The following DACH1 variants were observed in gnomAD, a reference collection of about 807,000 sequenced individuals.
DACH1 encodes the protein dachshund family transcription factor 1.
DACH1 carries 12 observed loss-of-function variants against 54.2 expected under a neutral mutation model. The observed-to-expected ratio is 0.22, with a 90% CI of 0.14 to 0.36. The LOEUF (loss-of-function observed/expected upper bound fraction) is 0.36, where lower values mean the gene tolerates loss of function less well. Ranked by LOEUF, DACH1 falls within the 10% of genes least tolerant of loss-of-function variation. The pLI is 1.00. For missense variants in DACH1, 805 were observed against 929.8 expected, an observed-to-expected ratio of 0.87 and a Z score of 1.75; for synonymous variants, 386 against 366.2, an observed-to-expected ratio of 1.05 and a Z score of -0.62.
chr13:71,743,188 T>C (rs914624912), intron 1 of DACH1, among the ~76,000 whole-genome samples: 2 of 152,110 alleles, frequency 1.3e-5, no homozygotes, highest in African/African-American at 2.4e-5. Context: ...GTCATGTGAA[T>C]GCCAAAAGAA....
intron 1 of DACH1, among the ~76,000 whole-genome samples, chr13:71,720,133 A>C (rs1163371270): frequency 2.0e-5 from 3 of 152,162 alleles, no homozygotes; most frequent in Non-Finnish European, 4.4e-5. Context: ...GGATGGGTGA[A>C]GCTATGGGAA....
chr13:71,629,371 C>A (rs1876908464), intron 3 of DACH1, among the ~76,000 whole-genome samples: 1 of 152,132 alleles, frequency 6.6e-6, no homozygotes, highest in South Asian at 2.1e-4. Flanking sequence ...TTCAAATCCA[C>A]TACTGCTGGT....
intron 3 of DACH1, among the ~76,000 whole-genome samples, chr13:71,589,098 C>A (rs1416296005): frequency 5.9e-5 from 9 of 151,982 alleles, no homozygotes. Flanking sequence ...CTGGTTATGA[C>A]AATTTTTAAT....
At chr13:71,541,007 T>G (rs1330302722) in intron 6 of DACH1, among the ~76,000 whole-genome samples, 2 of 151,928 alleles carry the variant, frequency 1.3e-5, no homozygotes, top group Non-Finnish European at 2.9e-5. Flanking sequence ...ATTGTTAAAT[T>G]TAGATTATCA....
rs769831049 is a variant in DACH1, at chr13:71,440,669, T to C, written c.2107A>G (p.Thr703Ala). The change falls in exon 11 of 11, where the codon ACT becomes GCT. Residue 703 changes from threonine (T) to alanine (A), a missense_variant. Thr to Ala is a moderately conservative substitution (Grantham distance 58). Transcript: ENST00000613252. ...ACAGGAAAGATTCAGTACATGACAG[T>C]AGTTTTCAAATACAGTCTTCCATCT... The part of the protein sequence containing the change: ...IQDGRLYLKT[T>A]VMY 2.5e-6 allele frequency: 4 copies of C among 1,605,732 alleles called. No individual in the cohort carries two copies. Among genetic ancestry groups the C allele is most frequent in the Admixed American group, 1.7e-5 (1 of 58,968 alleles).
chr13:71,774,897 T>C (rs888535431), intron 1 of DACH1, among the ~76,000 whole-genome samples: 33 of 152,218 alleles, frequency 2.2e-4, no homozygotes, highest in African/African-American at 7.5e-4. Context: ...AAGATCATTG[T>C]TCCTAGGTCT....
At chr13:71,862,557 A>G (rs1874427655) in intron 1 of DACH1, among the ~76,000 whole-genome samples, 2 of 151,684 alleles carry the variant, frequency 1.3e-5, no homozygotes, top group Admixed American at 6.6e-5. Context: ...CATTTCTTTC[A>G]TGTTTTGAGA....
chr13:71,644,891 T>C (rs1878159434), intron 2 of DACH1, among the ~76,000 whole-genome samples: 1 of 152,142 alleles, frequency 6.6e-6, no homozygotes, highest in Admixed American at 6.5e-5. Context: ...AGCAGGTTTA[T>C]AGCAGCAGCT....
chr13:71,676,497 C>T (rs138315016), intron 2 of DACH1, among the ~76,000 whole-genome samples: 2 of 152,332 alleles, frequency 1.3e-5, no homozygotes, highest in African/African-American at 4.8e-5. Flanking sequence ...GGATTACAGG[C>T]ATGAGCCACG....
chr13:71,572,042 G>GA (rs1485780404), intron 4 of DACH1, among the ~76,000 whole-genome samples: 2 of 152,042 alleles, frequency 1.3e-5, no homozygotes, highest in South Asian at 2.1e-4. Context: ...ATTGTATTCA[G>GA]AAAAATGGGA....
intron 6 of DACH1, among the ~76,000 whole-genome samples, chr13:71,515,689 A>G (rs1300231068): frequency 1.3e-5 from 2 of 151,872 alleles, no homozygotes; most frequent in Non-Finnish European, 2.9e-5. Context: ...CATATTTCCC[A>G]TTTAGCTAGT....
chr13:71,615,988 A>G (rs1312852464), intron 3 of DACH1, among the ~76,000 whole-genome samples: 4 of 152,206 alleles, frequency 2.6e-5, no homozygotes, highest in African/African-American at 9.6e-5. Context: ...TGTTATACCT[A>G]TTATACAGAT....
chr13:71,530,777 TTAA>T (rs1160024572), intron 6 of DACH1, among the ~76,000 whole-genome samples: 26 of 150,736 alleles, frequency 1.7e-4, no homozygotes, highest in African/African-American at 5.3e-4. Flanking sequence ...TGTCAAATAA[TTAA>T]TATTTAATAA....
At chr13:71,544,767 G>T (rs1479076582) in intron 6 of DACH1, among the ~76,000 whole-genome samples, 1 of 152,010 alleles carries the variant, frequency 6.6e-6, no homozygotes, top group African/African-American at 2.4e-5. Flanking sequence ...ACATATTCAT[G>T]GAACTTGCAA....
chr13:71,446,526 A>G (rs1874481886), intron 10 of DACH1, among the ~76,000 whole-genome samples: 1 of 152,228 alleles, frequency 6.6e-6, no homozygotes, highest in South Asian at 2.1e-4. Flanking sequence ...ATTAAGGCAT[A>G]GAGAGTTTAA....
chr13:71,636,256 C>T (rs1877483400), intron 2 of DACH1, among the ~76,000 whole-genome samples: 1 of 152,006 alleles, frequency 6.6e-6, no homozygotes, highest in Non-Finnish European at 1.5e-5. Context: ...ATAAAAGTAT[C>T]TCCTACACCA....
chr13:71,701,423 T>C (rs1034927386), intron 1 of DACH1, among the ~76,000 whole-genome samples: 3 of 152,180 alleles, frequency 2.0e-5, no homozygotes, highest in African/African-American at 7.2e-5. Flanking sequence ...TTTTTTCCTA[T>C]AATGAATGAT....
intron 2 of DACH1, among the ~76,000 whole-genome samples, chr13:71,639,258 A>C (rs572462452): frequency 1.6e-4 from 24 of 152,284 alleles, no homozygotes; most frequent in South Asian, 1.2e-3. Flanking sequence ...TTCACTCTTG[A>C]ATGATTAAAT....
rs1485148490 is a variant in DACH1, at chr13:71,735,283, TGGGATATACACGTATAC to T, written c.849-53390_849-53374del. On this transcript the variant is annotated intron_variant, in intron 1 of 10. Transcript: ENST00000613252. ...TGTATATGGGATACACGTATGTATA[TGGGATATACACGTATAC>T]GGGATATACGTGTATATGGGATATA... Among the ~76,000 whole-genome samples, 163 of 68,738 alleles carry T rather than the reference TGGGATATACACGTATAC, an allele frequency of 2.4e-3. 16 individuals carry two copies. Among genetic ancestry groups the T allele is most frequent in the African/African-American group, 5.0e-3 (137 of 27,190 alleles). 45.1% of individuals were successfully genotyped at this position (68,738 alleles called of 152,430 possible).
Sources: gnomAD v4.1 joint callset for allele counts (sites outside exome capture counted in the v4.1 genomes callset) on GRCh38, gnomAD v4.1.1 for gene constraint, MANE v1.5 for transcripts, NCBI Gene and HGNC (gene_info 2026-07-23, HGNC 2026-07-21) for gene names.